RAB9B: variants seen among roughly 807,000 people sequenced by gnomAD.
RAB9B encodes RAB9B, member RAS oncogene family.
In RAB9B, 1 loss-of-function variant was observed where a neutral mutation model predicts 8.9. That is an observed-to-expected ratio of 0.11 (90% confidence interval 0.04 to 0.53). The LOEUF (loss-of-function observed/expected upper bound fraction) is 0.53, where lower values mean the gene tolerates loss of function less well. Ranked by LOEUF, RAB9B falls within the 20% of genes least tolerant of loss-of-function variation. The pLI, the probability that RAB9B is intolerant of heterozygous loss-of-function variation, is 0.93. For synonymous variants in RAB9B, 63 were observed against 57.0 expected (o/e 1.10, Z -0.47); for missense variants, 82 against 152.9 (o/e 0.54, Z 2.45).
At chrX:103,801,971 C>A in the RAB9B span, among the ~76,000 whole-genome samples, 1 of 111,534 alleles carries the variant, frequency 9.0e-6, no homozygotes, top group South Asian at 3.8e-4. Context: ...AACACCTAGT[C>A]TCTACCATGA....
chrX:103,784,765 A>C, the RAB9B span, among the ~76,000 whole-genome samples: 1 of 112,282 alleles, frequency 8.9e-6, no homozygotes, highest in Non-Finnish European at 1.9e-5. Context: ...CTGAATTGTT[A>C]GTTGAAAATA....
chrX:103,787,174 A>T, the RAB9B span, among the ~76,000 whole-genome samples: 1 of 111,597 alleles, frequency 9.0e-6, no homozygotes, highest in East Asian at 2.8e-4. Flanking sequence ...ATGTTCTGGG[A>T]TCCTGCACAG....
At chrX:103,785,661 G>T in the RAB9B span, 1 of 1,209,395 alleles carries the variant, frequency 8.3e-7, no homozygotes, top group East Asian at 3.0e-5. Flanking sequence ...GTTTCTTTGG[G>T]GTGGCACTGT....
At chrX:103,817,582 AAT>A (rs201427283), downstream of RAB9B, among the ~76,000 whole-genome samples, 4 of 108,960 alleles carry the variant, frequency 3.7e-5, no homozygotes, top group Admixed American at 1.0e-4. Context: ...GTATACATAT[AAT>A]ATATATATAT....
At chrX:103,808,536 T>C in the RAB9B span, among the ~76,000 whole-genome samples, 1 of 112,649 alleles carries the variant, frequency 8.9e-6, no homozygotes, top group African/African-American at 3.2e-5. Context: ...TTTAGATCGA[T>C]ACACATCACA....
At position 103,824,656 on chromosome X, in the gene RAB9B, C is replaced by T. The variant is rs1478191144; in HGVS notation, c.*523G>A. The T allele has an allele frequency of 8.9e-6, 1 of 112,087 alleles. No homozygotes were observed. The highest frequency in any genetic ancestry group is 3.3e-5 in the African/African-American group (1 of 30,745). 9.2% of individuals were successfully genotyped at this position (112,087 alleles called of 1,213,427 possible). ...TGTATATCATTATACTTTTGCACTC[C>T]TAATCATTACAACTTCTTTAATTCA... On this transcript the variant is annotated 3_prime_UTR_variant, in exon 3 of 3. Coordinates refer to ENST00000243298, the MANE Select transcript of RAB9B (RefSeq NM_016370.4).
chrX:103,782,033 T>G, the RAB9B span, among the ~76,000 whole-genome samples: 1 of 112,487 alleles, frequency 8.9e-6, no homozygotes, highest in Non-Finnish European at 1.9e-5. Context: ...GGATCTTTTC[T>G]CAGAATGCTT....
downstream of RAB9B, among the ~76,000 whole-genome samples, chrX:103,818,071 T>A (rs1333209923): frequency 9.0e-6 from 1 of 111,164 alleles, no homozygotes; most frequent in African/African-American, 3.3e-5. Flanking sequence ...AAACTAGCAA[T>A]GTGGATAAGA....
downstream of RAB9B, among the ~76,000 whole-genome samples, chrX:103,817,632 T>C (rs968618450): frequency 1.8e-5 from 2 of 110,118 alleles, no homozygotes; most frequent in African/African-American, 6.6e-5. Context: ...CACACATATA[T>C]ATAAGTTTAG....
the RAB9B span, among the ~76,000 whole-genome samples, chrX:103,795,726 T>C: frequency 2.7e-5 from 3 of 112,224 alleles, no homozygotes; most frequent in Non-Finnish European, 3.8e-5. Flanking sequence ...ACATAAAAAT[T>C]ATCCTATATG....
At chrX:103,784,972 A>T in the RAB9B span, among the ~76,000 whole-genome samples, 4 of 112,541 alleles carry the variant, frequency 3.6e-5, no homozygotes, top group Non-Finnish European at 7.5e-5. Context: ...GAAGGGACTG[A>T]TTTCATAATC....
the RAB9B span, among the ~76,000 whole-genome samples, chrX:103,814,365 G>C: frequency 1.8e-5 from 2 of 111,648 alleles, no homozygotes; most frequent in Non-Finnish European, 3.8e-5. Flanking sequence ...TGAAAGCAGA[G>C]ATAAAGATGT....
chrX:103,782,751 G>A, the RAB9B span, among the ~76,000 whole-genome samples: 6 of 108,923 alleles, frequency 5.5e-5, no homozygotes, highest in Admixed American at 3.0e-4. Flanking sequence ...CTTACCCTCG[G>A]CTAAACAAAC....
the RAB9B span, chrX:103,786,947 C>T: frequency 9.1e-6 from 4 of 437,404 alleles, no homozygotes; most frequent in Non-Finnish European, 1.6e-5. Context: ...CTTCTCAAAA[C>T]AGAAAGCATG....
At chrX:103,807,052 G>T in the RAB9B span, among the ~76,000 whole-genome samples, 1 of 112,105 alleles carries the variant, frequency 8.9e-6, no homozygotes. Context: ...CAGGACATAG[G>T]CTGTCACTAG....
At chrX:103,828,445 T>C (rs964050897) in intron 1 of RAB9B, among the ~76,000 whole-genome samples, 10 of 112,067 alleles carry the variant, frequency 8.9e-5, no homozygotes, top group African/African-American at 2.3e-4. Context: ...TAGCACACTT[T>C]TTTATTTTTT....
chrX:103,817,073 T>A, the RAB9B span, among the ~76,000 whole-genome samples: 1 of 112,132 alleles, frequency 8.9e-6, no homozygotes, highest in South Asian at 3.7e-4. Context: ...AGCAATTCTA[T>A]TACAGGACAT....
the RAB9B span, among the ~76,000 whole-genome samples, chrX:103,783,696 A>C: frequency 4.8e-4 from 54 of 112,121 alleles, no homozygotes; most frequent in Non-Finnish European, 8.8e-4. Flanking sequence ...ACTGTAACTA[A>C]TGTTAACAGA....
At chrX:103,801,045 G>A in the RAB9B span, among the ~76,000 whole-genome samples, 2 of 111,637 alleles carry the variant, frequency 1.8e-5, no homozygotes, top group Non-Finnish European at 3.8e-5. Flanking sequence ...GGGGATTATT[G>A]CTTTAAAACA....
Sources: allele counts gnomAD v4.1 joint callset (sites outside exome capture counted in the v4.1 genomes callset), GRCh38; gene constraint gnomAD v4.1.1; transcripts MANE v1.5; gene names NCBI Gene and HGNC (gene_info 2026-07-23, HGNC 2026-07-21).